Variants in PRKN observed in about 807,000 individuals in gnomAD.
PRKN encodes the protein E3 ubiquitin-protein ligase parkin.
In PRKN, 56 loss-of-function variants were observed where a neutral mutation model predicts 59.5. The observed-to-expected ratio is 0.94, with a 90% confidence interval of 0.76 to 1.18. PRKN has a LOEUF of 1.18. Ranked by LOEUF, PRKN falls within the 50% of genes most tolerant of loss-of-function variation. The pLI is 0.00. For synonymous variants in PRKN, 250 were observed against 222.1 expected, an observed-to-expected ratio of 1.13 and a Z score of -1.12; for missense variants, 657 against 596.4, an observed-to-expected ratio of 1.10 and a Z score of -1.06.
chr6:162,387,084 A>G (rs941623859), intron 2 of PRKN, among the ~76,000 whole-genome samples: 1 of 152,114 alleles, frequency 6.6e-6, no homozygotes, highest in Non-Finnish European at 1.5e-5. Context: ...AAGTTACACA[A>G]AAGTATTACT....
chr6:162,212,906 G>C (rs1307869290), intron 3 of PRKN, among the ~76,000 whole-genome samples: 2 of 152,152 alleles, frequency 1.3e-5, no homozygotes, highest in Non-Finnish European at 2.9e-5. Context: ...CATAGAAAAG[G>C]TAATGTGACA....
chr6:162,235,747 G>C (rs567059833), intron 3 of PRKN, among the ~76,000 whole-genome samples: 145 of 151,812 alleles, frequency 9.6e-4, no homozygotes, highest in African/African-American at 3.2e-3. Context: ...AGGTTGCAGG[G>C]AGCCGAGATT....
rs1790483631 is a variant in PRKN at position 161,466,473 on chromosome 6, C to A, written c.1084-79596G>T. On this transcript the variant is annotated intron_variant, in intron 9 of 11. Transcript: ENST00000366898. This position sits in a 1 kb window ranked among gnomAD's most constrained non-coding sequence, Gnocchi z 5.0. ...CATTTCTCCTCCAGTCAACTAGTTT[C>A]TATTTTTGCACTCATCTGCTCTGAT... is the stretch of plus-strand genomic sequence containing the variant. Among the ~76,000 whole-genome samples the A allele has an allele frequency of 6.6e-6, 1 of 152,156 alleles. No homozygotes were observed. The highest frequency in any genetic ancestry group is 1.5e-5 in the Non-Finnish European group (1 of 68,022).
chr6:161,646,032 T>C (rs1372609043), intron 7 of PRKN, among the ~76,000 whole-genome samples: 4 of 97,698 alleles, frequency 4.1e-5, no homozygotes, highest in African/African-American at 7.1e-5. Flanking sequence ...GGTGACTGCG[T>C]GTGCATGCGT....
rs1784770249 is a variant in PRKN at position 161,667,630 on chromosome 6, T to C, written c.872-98214A>G. On this transcript the variant is annotated intron_variant, in intron 7 of 11. Coordinates refer to ENST00000366898, the MANE Select transcript of PRKN (RefSeq NM_004562.3). ...TTTATCATTCTTCGTATCTCTAGTA[T>C]CTTCCCTAGTCCCTGATAGATGCTA... 2.0e-5 allele frequency among the ~76,000 whole-genome samples: 3 copies of C among 152,352 alleles called. No homozygotes were observed. In the South Asian group the frequency reaches 6.2e-4, roughly 32 times the overall value.
At chr6:162,558,416 G>A (rs190172816) in intron 1 of PRKN, among the ~76,000 whole-genome samples, 4 of 142,732 alleles carry the variant, frequency 2.8e-5, no homozygotes, top group East Asian at 2.3e-4. Context: ...TGCAACCTCC[G>A]CCTCCTGGGT....
rs1309785126 is a variant in PRKN at position 162,443,328 on chromosome 6, C to T, written c.153G>A (p.Arg51=). 4.3e-6 allele frequency: 7 copies of T among 1,612,550 alleles called. No homozygotes were observed. In the Admixed American group the frequency reaches 8.3e-5, roughly 19 times the overall value. ...LRVIFAGKEL[R]NDWTVQNCDL... ...GACTCACCTGCACAGTCCAGTCATT[C>T]CTCAGCTCCTTCCCTGCGAAAATCA... The change falls in exon 2 of 12, where the codon AGG becomes AGA. Residue 51 remains arginine, a synonymous_variant. Coordinates refer to ENST00000366898, the MANE Select transcript of PRKN (RefSeq NM_004562.3).
intron 9 of PRKN, among the ~76,000 whole-genome samples, chr6:161,432,348 T>C (rs1788681816): frequency 6.7e-6 from 1 of 148,834 alleles, no homozygotes. Context: ...AATATTCACT[T>C]CCTCTGATTT....
chr6:162,234,252 T>C (rs1226945373), intron 3 of PRKN, among the ~76,000 whole-genome samples: 10 of 152,094 alleles, frequency 6.6e-5, no homozygotes, highest in Non-Finnish European at 4.4e-5. Flanking sequence ...TGGGCCACAC[T>C]GAGTTGGGGC....
At position 161,872,162 on chromosome 6, in the gene PRKN, T is replaced by C. The variant is rs944662054; in HGVS notation, c.735-86254A>G. Among the ~76,000 whole-genome samples, 7 of 151,992 alleles carry C rather than the reference T, an allele frequency of 4.6e-5. 1 individual carries two copies. Among genetic ancestry groups the C allele is most frequent in the Non-Finnish European group, 1.0e-4 (7 of 68,002 alleles). The stretch of plus-strand genomic sequence containing the variant: ...CGATAAGATGCTATGGAAGGGTAAG[T>C]GCATGAGGAACTACACAGCAGGATT... On this transcript the variant is annotated intron_variant, in intron 6 of 11. Coordinates refer to ENST00000366898, the MANE Select transcript of PRKN (RefSeq NM_004562.3).
intron 7 of PRKN, among the ~76,000 whole-genome samples, chr6:161,705,081 C>T (rs1242332450): frequency 6.6e-6 from 1 of 152,208 alleles, no homozygotes; most frequent in Non-Finnish European, 1.5e-5. Flanking sequence ...GCTTTGGAGT[C>T]ATGCATCCCC....
rs547063078 is a variant in PRKN at position 162,310,252 on chromosome 6, C to T, written c.172-47487G>A. Among the ~76,000 whole-genome samples the T allele has an allele frequency of 9.2e-5, 14 of 152,280 alleles. No homozygotes were observed. In the South Asian group the frequency reaches 2.1e-3, roughly 23 times the overall value. On this transcript the variant is annotated intron_variant, in intron 2 of 11. Transcript: ENST00000366898. ...CCAAAACTGCAGCTGTCTGATCCAC[C>T]GTCTCATGTCCAGGCCAGGTGGCCT... is the stretch of plus-strand genomic sequence containing the variant.
At chr6:162,428,336 G>T (rs1332258285) in intron 2 of PRKN, among the ~76,000 whole-genome samples, 1 of 152,110 alleles carries the variant, frequency 6.6e-6, no homozygotes, top group East Asian at 1.9e-4. Context: ...TTTATCTGAA[G>T]AATGTCTTAC....
At chr6:161,706,161 C>T (rs907577386) in intron 7 of PRKN, among the ~76,000 whole-genome samples, 4 of 152,144 alleles carry the variant, frequency 2.6e-5, no homozygotes, top group African/African-American at 9.7e-5. Flanking sequence ...TCATCCTGTC[C>T]TAATGCACTC....
At chr6:161,607,809 A>G (rs1463665465) in intron 7 of PRKN, among the ~76,000 whole-genome samples, 2 of 152,222 alleles carry the variant, frequency 1.3e-5, no homozygotes, top group African/African-American at 2.4e-5. Context: ...GAGCCACTGT[A>G]TAAGTAGGCC....
At chr6:161,569,280 C>A (rs902832228) in intron 8 of PRKN, 75 bp downstream of exon 8, 22 of 1,384,478 alleles carry the variant, frequency 1.6e-5, no homozygotes, top group Non-Finnish European at 2.3e-5. Context: ...CTCGGCCTCC[C>A]TGGGGAGCCC....
chr6:162,442,128 G>C (rs1790085714), intron 2 of PRKN, among the ~76,000 whole-genome samples: 1 of 152,184 alleles, frequency 6.6e-6, no homozygotes, highest in Non-Finnish European at 1.5e-5. Context: ...CCATCAGCAG[G>C]AGATGCAATG....
At chr6:162,555,062 T>C (rs536573093) in intron 1 of PRKN, among the ~76,000 whole-genome samples, 2 of 152,044 alleles carry the variant, frequency 1.3e-5, no homozygotes, top group East Asian at 3.9e-4. Flanking sequence ...AAAAACCAAG[T>C]AGGAAGGGCC....
chr6:161,724,837 T>A (rs939012200), intron 7 of PRKN, among the ~76,000 whole-genome samples: 1 of 152,158 alleles, frequency 6.6e-6, no homozygotes, highest in Non-Finnish European at 1.5e-5. Flanking sequence ...AAATCTCATG[T>A]TGAATTGTAA....
Sources: gnomAD v4.1 joint callset for allele counts (sites outside exome capture counted in the v4.1 genomes callset) on GRCh38, gnomAD v4.1.1 for gene constraint, Gnocchi (gnomAD v3.1) non-coding constraint, MANE v1.5 for transcripts, NCBI Gene and HGNC (gene_info 2026-07-23, HGNC 2026-07-21) for gene names.